UGGT2: variants seen among roughly 807,000 people sequenced by gnomAD.
The protein encoded by UGGT2 is UDP-glucose glycoprotein glucosyltransferase 2.
Under a neutral mutation model 192.1 loss-of-function variants are expected in UGGT2, and 180 were observed. The ratio of observed to expected loss-of-function variants is 0.94; its 90% confidence interval spans 0.83 to 1.06. The LOEUF (loss-of-function observed/expected upper bound fraction) is 1.06. Among genes scored for constraint, UGGT2 ranks in the 50% least tolerant of loss-of-function variants. The probability of loss-of-function intolerance (pLI) is 0.00; values close to 1 mark genes in which losing one functional copy is unlikely to be tolerated. For missense variants in UGGT2, 1,849 were observed against 1,795.7 expected (o/e 1.03, Z -0.54); for synonymous variants, 580 against 591.0 (o/e 0.98, Z 0.27).
rs372760481 is a variant in UGGT2, at chr13:95,909,561, G to A, written c.2296-6501C>T. On this transcript the variant is annotated intron_variant, in intron 20 of 38. Coordinates refer to ENST00000376747, the MANE Select transcript of UGGT2 (RefSeq NM_020121.4). ...GGTGGGAATTGAACAATGAGATCAC[G>A]TGGACACAGGAAGGGGAATATCACA... 5.9e-4 allele frequency among the ~76,000 whole-genome samples: 79 copies of A among 132,936 alleles called. No homozygotes were observed. The East Asian group carries it at 0.011, about 18-fold the overall frequency. The allele number at this position is 132,936 out of a possible 152,430, so 87.2% of individuals were successfully genotyped here.
intron 36 of UGGT2, among the ~76,000 whole-genome samples, chr13:95,845,769 T>C (rs1000323977): frequency 1.5e-4 from 23 of 149,058 alleles, no homozygotes; most frequent in African/African-American, 5.5e-4. Context: ...CACTCCTCAG[T>C]TCCCAGACGG....
chr13:95,991,234 C>G lies in UGGT2; in HGVS notation c.831-1161G>C, dbSNP rs1380341823. 3 of 252,044 alleles carry G rather than the reference C, an allele frequency of 1.2e-5. No individual in the cohort carries two copies. The East Asian group carries it at 2.6e-4, about 22-fold the overall frequency. The allele number at this position is 252,044 out of a possible 1,614,324, so 15.6% of individuals were successfully genotyped here. ...AATGATTTATAATCCTTTGGGTATA[C>G]ACCCAGTAATGGGCATTGCTGGGTC... is the stretch of plus-strand genomic sequence containing the variant. On this transcript the variant is annotated intron_variant, in intron 7 of 38. Coordinates refer to ENST00000376747, the MANE Select transcript of UGGT2 (RefSeq NM_020121.4).
intron 7 of UGGT2, among the ~76,000 whole-genome samples, chr13:95,993,128 T>G (rs1394101944): frequency 6.6e-6 from 1 of 152,018 alleles, no homozygotes; most frequent in Non-Finnish European, 1.5e-5. Flanking sequence ...TTATCCTAAG[T>G]GAATTAACAC....
At chr13:95,828,757 C>T (rs1217206675) in intron 38 of UGGT2, among the ~76,000 whole-genome samples, 1 of 152,158 alleles carries the variant, frequency 6.6e-6, no homozygotes, top group African/African-American at 2.4e-5. Context: ...GAAGCTGGTT[C>T]CATTCCTTCT....
chr13:95,835,050 G>T lies in UGGT2; in HGVS notation c.4402-1997C>A, dbSNP rs143606137. On this transcript the variant is annotated intron_variant, in intron 37 of 38. Coordinates refer to ENST00000376747, the MANE Select transcript of UGGT2 (RefSeq NM_020121.4). ...TATATCCAAAATACTAAGTCAACAT[G>T]TAATCAATACAAAAATTAGTAATGA... Among the ~76,000 whole-genome samples, 421 of 152,214 alleles carry T rather than the reference G, an allele frequency of 2.8e-3. 2 individuals carry two copies. Among genetic ancestry groups the T allele is most frequent in the African/African-American group, 9.7e-3 (404 of 41,544 alleles).
At chr13:95,992,268 A>C (rs1313033315) in intron 7 of UGGT2, among the ~76,000 whole-genome samples, 1 of 152,218 alleles carries the variant, frequency 6.6e-6, no homozygotes, top group African/African-American at 2.4e-5. Context: ...ATAGCACTGA[A>C]TCTGTAGATT....
chr13:95,813,083 G>C (rs1884657881), intron 38 of UGGT2, among the ~76,000 whole-genome samples: 1 of 152,100 alleles, frequency 6.6e-6, no homozygotes, highest in African/African-American at 2.4e-5. Context: ...TTATGGCAGT[G>C]CAAGAATGGC....
At position 95,900,694 on chromosome 13, in the gene UGGT2, G is replaced by C. The variant is rs1205028423; in HGVS notation, c.2634+113C>G. ...GTTGTGTCTGGTGTCTTCAGCTCAT[G>C]AACACCGTCCTCTGTGTGTGTCAGT... is the stretch of plus-strand genomic sequence containing the variant. On this transcript the variant is annotated intron_variant, in intron 22 of 38. Coordinates refer to ENST00000376747, the MANE Select transcript of UGGT2 (RefSeq NM_020121.4). The C allele has an allele frequency of 2.5e-6, 3 of 1,202,372 alleles. No individual in the cohort carries two copies. In the East Asian group the frequency reaches 7.9e-5, roughly 32 times the overall value. 74.5% of individuals were successfully genotyped at this position (1,202,372 alleles called of 1,614,324 possible). A position where few individuals can be genotyped will look rare whatever the true frequency, so the allele number is the denominator to read the frequency against.
At chr13:95,841,024 G>A (rs535924995) in intron 36 of UGGT2, among the ~76,000 whole-genome samples, 20 of 152,178 alleles carry the variant, frequency 1.3e-4, no homozygotes, top group Non-Finnish European at 2.8e-4. Flanking sequence ...CACAGGGAGG[G>A]GAACATCACC....
At chr13:95,839,713 C>T (rs374130117) in intron 36 of UGGT2, among the ~76,000 whole-genome samples, 4 of 152,152 alleles carry the variant, frequency 2.6e-5, no homozygotes, top group African/African-American at 9.7e-5. Flanking sequence ...ACCTGTCAAA[C>T]TGTTTTTGAA....
chr13:96,005,447 A>G (rs966753766), intron 5 of UGGT2, among the ~76,000 whole-genome samples: 3 of 152,208 alleles, frequency 2.0e-5, no homozygotes, highest in Non-Finnish European at 4.4e-5. Flanking sequence ...TCTAATGGTG[A>G]CAGGTAGAGA....
chr13:95,886,915 C>T (rs759436962), intron 26 of UGGT2, among the ~76,000 whole-genome samples: 92 of 151,874 alleles, frequency 6.1e-4, no homozygotes, highest in Non-Finnish European at 1.2e-3. Context: ...AAAAACTGTG[C>T]GTGGTGGCAC....
chr13:95,824,269 G>A (rs972833978), intron 38 of UGGT2, among the ~76,000 whole-genome samples: 1 of 141,074 alleles, frequency 7.1e-6, no homozygotes, highest in African/African-American at 2.6e-5. Flanking sequence ...TGTGTGCTTC[G>A]GTGATGATCT....
intron 2 of UGGT2, 70 bp from the exon 3 acceptor site, chr13:96,023,829 G>A: frequency 2.3e-6 from 3 of 1,282,756 alleles, no homozygotes; most frequent in Non-Finnish European, 3.2e-6. Flanking sequence ...ATCTTCCACT[G>A]TAAGGCTAAC....
At chr13:95,832,638 A>G in intron 38 of UGGT2, 1 of 452,264 alleles carries the variant, frequency 2.2e-6, no homozygotes, top group Non-Finnish European at 4.3e-6. Flanking sequence ...AAAGACAAAC[A>G]CTCCTTTTAC....
chr13:95,960,596 G>A (rs962839938), intron 12 of UGGT2, among the ~76,000 whole-genome samples: 4 of 151,562 alleles, frequency 2.6e-5, no homozygotes, highest in Non-Finnish European at 4.4e-5. Flanking sequence ...TGTCCCAGAA[G>A]ATTAAAAAAA....
intron 10 of UGGT2, among the ~76,000 whole-genome samples, chr13:95,980,169 T>C (rs1333475319): frequency 6.6e-6 from 1 of 152,148 alleles, no homozygotes; most frequent in Non-Finnish European, 1.5e-5. Flanking sequence ...GAAGTCATTA[T>C]ATGAAAAAGA....
chr13:95,817,638 C>T (rs925004060), intron 38 of UGGT2, among the ~76,000 whole-genome samples: 1 of 151,958 alleles, frequency 6.6e-6, no homozygotes, highest in African/African-American at 2.4e-5. Context: ...AAAATATATA[C>T]CTAAAACTTA....
intron 4 of UGGT2, among the ~76,000 whole-genome samples, chr13:96,015,720 C>T (rs7336483): frequency 0.39 from 59,586 of 151,932 alleles, 11,887 homozygotes; most frequent in Middle Eastern, 0.45. Context: ...GTAGTATACA[C>T]TTTAATATAC....
Sources: allele counts gnomAD v4.1 joint callset (sites outside exome capture counted in the v4.1 genomes callset), GRCh38; gene constraint gnomAD v4.1.1; transcripts MANE v1.5; gene names NCBI Gene and HGNC (gene_info 2026-07-23, HGNC 2026-07-21).